HHAT: variants seen among roughly 807,000 people sequenced by gnomAD.
The protein encoded by HHAT is protein-cysteine N-palmitoyltransferase HHAT.
A neutral mutation model predicts 70.8 loss-of-function variants in HHAT; 47 were observed. The observed-to-expected ratio is 0.66, with a 90% CI of 0.53 to 0.85. The LOEUF (loss-of-function observed/expected upper bound fraction) is 0.85. Ranked by LOEUF, HHAT falls within the 40% of genes least tolerant of loss-of-function variation. HHAT has a pLI of 0.00. For missense variants in HHAT, 609 were observed against 604.8 expected, an observed-to-expected ratio of 1.01 and a Z score of -0.07; for synonymous variants, 228 against 247.6, an observed-to-expected ratio of 0.92 and a Z score of 0.74.
intron 9 of HHAT, among the ~76,000 whole-genome samples, chr1:210,584,930 G>T (rs780794780): frequency 1.3e-5 from 2 of 152,228 alleles, no homozygotes; most frequent in South Asian, 4.1e-4. Flanking sequence ...TCAACAGCAG[G>T]TGGAATATCC....
At chr1:210,520,415 G>A (rs1461356422) in intron 9 of HHAT, among the ~76,000 whole-genome samples, 3 of 152,086 alleles carry the variant, frequency 2.0e-5, no homozygotes, top group Non-Finnish European at 4.4e-5. Flanking sequence ...TTTTTCAGTG[G>A]TTTTGTAGAT....
Position 210,675,564 on chromosome 1 carries a change from G to A in HHAT, c.*1185G>A, listed in dbSNP as rs1170549193. Reference sequence around the variant, plus strand: ...GGAGAATTTACAACATCTCAAGTACGTAAATTAAGTTGTCATTGAGTGAAA... The same window carrying A: ...GGAGAATTTACAACATCTCAAGTACATAAATTAAGTTGTCATTGAGTGAAA... On this transcript the variant is annotated 3_prime_UTR_variant, in exon 12 of 12. Transcript: ENST00000261458. 5 of 152,080 alleles carry A rather than the reference G, an allele frequency of 3.3e-5. No homozygotes were observed. The highest frequency in any genetic ancestry group is 2.1e-4 in the South Asian group (1 of 4,810). The allele number at this position is 152,080 out of a possible 1,614,324, so 9.4% of individuals were successfully genotyped here.
rs563674833 is a variant in HHAT at position 210,596,544 on chromosome 1, T to C, written c.1245+8445T>C. 5.3e-5 allele frequency among the ~76,000 whole-genome samples: 8 copies of C among 152,166 alleles called. No homozygotes were observed. The East Asian group carries it at 1.4e-3, about 26-fold the overall frequency. The stretch of plus-strand genomic sequence containing the variant: ...TCTGTCTCTTCTGACTGTATTTTCA[T>C]ATAGCTCATCTTCAAGTGTGCTAAT... On this transcript the variant is annotated intron_variant, in intron 10 of 11. Coordinates refer to ENST00000261458, the MANE Select transcript of HHAT (RefSeq NM_018194.6).
chr1:210,390,045 A>C (rs1054806611), intron 4 of HHAT, among the ~76,000 whole-genome samples: 1 of 152,210 alleles, frequency 6.6e-6, no homozygotes, highest in Non-Finnish European at 1.5e-5. Context: ...AAGATGAAAC[A>C]TGGAAAAGTG....
chr1:210,555,875 A>G lies in HHAT; in HGVS notation c.1044-32023A>G, dbSNP rs181304465. Among the ~76,000 whole-genome samples, 428 of 152,330 alleles carry G rather than the reference A, an allele frequency of 2.8e-3. 2 individuals are homozygous for G. Among genetic ancestry groups the G allele is most frequent in the Admixed American group, 7.0e-3 (107 of 15,304 alleles). On this transcript the variant is annotated intron_variant, in intron 9 of 11. Transcript: ENST00000261458. ...AGTGTTATTAAGCCCTGTGAGGAGA[A>G]GTGGGCCAGCTGAGCCTGATTAATA...
chr1:210,668,028 T>C lies in HHAT; in HGVS notation c.1391-6260T>C, dbSNP rs546933795. On this transcript the variant is annotated intron_variant, in intron 11 of 11. Transcript: ENST00000261458. ...CATTCTACTTTGTGTGTCTGTGAATTTGATTACTCTACATATTTCATAGAA... is the reference window on the plus strand; with the variant it reads ...CATTCTACTTTGTGTGTCTGTGAATCTGATTACTCTACATATTTCATAGAA... Among the ~76,000 whole-genome samples, 6 of 152,356 alleles carry C rather than the reference T, an allele frequency of 3.9e-5. No homozygotes were observed. The East Asian group carries it at 1.2e-3, about 29-fold the overall frequency.
chr1:210,497,418 A>G (rs1404948589), intron 8 of HHAT, among the ~76,000 whole-genome samples: 1 of 152,230 alleles, frequency 6.6e-6, no homozygotes, highest in Non-Finnish European at 1.5e-5. Flanking sequence ...AAAACACAAC[A>G]CAAAGTAAAA....
At chr1:210,523,604 G>A (rs2095195576) in intron 9 of HHAT, among the ~76,000 whole-genome samples, 1 of 152,000 alleles carries the variant, frequency 6.6e-6, no homozygotes, top group Admixed American at 6.6e-5. Flanking sequence ...TATAGCTTGT[G>A]TGTGTGTGTG....
rs35279362 is a variant in HHAT at position 210,653,529 on chromosome 1, CA to C, written c.1391-20742del. 9.8e-3 allele frequency among the ~76,000 whole-genome samples: 1,174 copies of C among 120,082 alleles called. 6 individuals carry two copies. The highest frequency in any genetic ancestry group is 0.031 in the African/African-American group (883 of 28,946). 78.8% of individuals were successfully genotyped at this position (120,082 alleles called of 152,430 possible). ...TGGGTGACAGAGCGAGACCCTGTCTCAAAAAAAAAAAAAAAAAGTTAAATAC... is the reference window on the plus strand; with the variant it reads ...TGGGTGACAGAGCGAGACCCTGTCTCAAAAAAAAAAAAAAAAGTTAAATAC... On this transcript the variant is annotated intron_variant, in intron 11 of 11. Coordinates refer to ENST00000261458, the MANE Select transcript of HHAT (RefSeq NM_018194.6).
At chr1:210,544,367 G>GTTTTTTTTTTTTTTTTT (rs569514246) in intron 9 of HHAT, among the ~76,000 whole-genome samples, 2 of 90,066 alleles carry the variant, frequency 2.2e-5, no homozygotes, top group African/African-American at 4.3e-5. Flanking sequence ...TCTTTCTTTC[G>GTTTTTTTTTTTTTTTTT]TTTTTTTTTT....
At position 210,418,337 on chromosome 1, in the gene HHAT, A is replaced by T; in HGVS notation, c.856+12A>T. On this transcript the variant is annotated intron_variant, in intron 7 of 11. Transcript: ENST00000261458. ...TTGTTGGACCTTAGGTAATTGTGGG[A>T]ATCACCAACAGTGGGATGAGCCCCA... is the stretch of plus-strand genomic sequence containing the variant. 1 of 1,565,698 alleles carries T rather than the reference A, an allele frequency of 6.4e-7. No individual in the cohort carries two copies. Among genetic ancestry groups the T allele is most frequent in the Non-Finnish European group, 8.7e-7 (1 of 1,154,572 alleles).
intron 2 of HHAT, among the ~76,000 whole-genome samples, chr1:210,350,746 T>C (rs576854721): frequency 6.6e-6 from 1 of 152,200 alleles, no homozygotes; most frequent in East Asian, 1.9e-4. Flanking sequence ...CCTTTTCTTT[T>C]TTGTTGTTGT....
At chr1:210,601,773 A>G (rs539683027) in intron 10 of HHAT, among the ~76,000 whole-genome samples, 104 of 152,298 alleles carry the variant, frequency 6.8e-4, no homozygotes, top group South Asian at 1.2e-3. Flanking sequence ...CTCTCTATGA[A>G]GAGCTAAGAG....
rs560106875 is a variant in HHAT, at chr1:210,549,913, C to T, written c.1043+36725C>T. Among the ~76,000 whole-genome samples, 68 of 148,730 alleles carry T rather than the reference C, an allele frequency of 4.6e-4. 6 individuals are homozygous for T. Among genetic ancestry groups the T allele is most frequent in the African/African-American group, 1.6e-3 (66 of 40,206 alleles). On this transcript the variant is annotated intron_variant, in intron 9 of 11. Transcript: ENST00000261458. ...ATCATACTACTCACTTGCATTCTGC[C>T]TTTCTAAAAAAACAGAGTTGTCATC...
chr1:210,489,538 T>C (rs966103932), intron 8 of HHAT, among the ~76,000 whole-genome samples: 14 of 152,258 alleles, frequency 9.2e-5, no homozygotes, highest in African/African-American at 3.4e-4. Context: ...CACGTTGTTA[T>C]TATTTTTGCA....
intron 7 of HHAT, among the ~76,000 whole-genome samples, chr1:210,450,146 C>T (rs543122287): frequency 5.9e-5 from 9 of 152,072 alleles, no homozygotes; most frequent in South Asian, 4.2e-4. Context: ...CAAAAATTAG[C>T]GGGGCATGAT....
At chr1:210,509,652 G>T (rs147233450) in intron 8 of HHAT, among the ~76,000 whole-genome samples, 1 of 152,042 alleles carries the variant, frequency 6.6e-6, no homozygotes, top group Non-Finnish European at 1.5e-5. Context: ...GCTAAGCACT[G>T]TGTGTGTGTG....
chr1:210,563,293 T>C (rs975365522), intron 9 of HHAT, among the ~76,000 whole-genome samples: 17 of 152,170 alleles, frequency 1.1e-4, no homozygotes, highest in African/African-American at 3.9e-4. Context: ...TGTATAATTA[T>C]CCAAACTGTA....
intron 8 of HHAT, among the ~76,000 whole-genome samples, chr1:210,503,567 C>G (rs990683128): frequency 4.6e-5 from 7 of 152,328 alleles, no homozygotes; most frequent in African/African-American, 1.4e-4. Flanking sequence ...CAATGGAAGA[C>G]TTTCCCCCAA....
Sources: gnomAD v4.1 joint callset for allele counts (sites outside exome capture counted in the v4.1 genomes callset) on GRCh38, gnomAD v4.1.1 for gene constraint, MANE v1.5 for transcripts, NCBI Gene and HGNC (gene_info 2026-07-23, HGNC 2026-07-21) for gene names.